The following CLEC16A variants were observed in gnomAD, a reference collection of about 807,000 sequenced individuals.
CLEC16A encodes the protein protein CLEC16A.
A neutral mutation model predicts 109.5 loss-of-function variants in CLEC16A; 51 were observed. The observed-to-expected ratio is 0.47, with a 90% CI of 0.37 to 0.59. The LOEUF (loss-of-function observed/expected upper bound fraction) is 0.59, where lower values mean the gene tolerates loss of function less well. Among genes scored for constraint, CLEC16A ranks in the 20% least tolerant of loss-of-function variants. CLEC16A has a pLI of 0.00. For synonymous variants in CLEC16A, 673 were observed against 564.2 expected (o/e 1.19, Z -2.73); for missense variants, 1,339 against 1,394.0 (o/e 0.96, Z 0.63).
chr16:11,106,008 CA>C (rs1019684553), intron 19 of CLEC16A, among the ~76,000 whole-genome samples: 1 of 152,142 alleles, frequency 6.6e-6, no homozygotes, highest in Non-Finnish European at 1.5e-5. Flanking sequence ...AACTTGGGAA[CA>C]AAATGGATCT....
intron 22 of CLEC16A, among the ~76,000 whole-genome samples, chr16:11,162,812 C>A (rs1056669555): frequency 1.3e-5 from 2 of 152,196 alleles, no homozygotes; most frequent in Non-Finnish European, 2.9e-5. Context: ...GTTCTGCACA[C>A]CAATATGCTG....
chr16:11,022,246 C>T (rs990362748), intron 12 of CLEC16A, among the ~76,000 whole-genome samples: 10 of 151,004 alleles, frequency 6.6e-5, no homozygotes, highest in Admixed American at 4.6e-4. Flanking sequence ...GTCAAGGTAT[C>T]GAGTTGCAGC....
intron 13 of CLEC16A, among the ~76,000 whole-genome samples, chr16:11,034,247 T>C (rs909685486): frequency 6.6e-6 from 1 of 152,244 alleles, no homozygotes; most frequent in Non-Finnish European, 1.5e-5. Context: ...TGGTTAGCTT[T>C]CGAAATCTTT....
intron 1 of CLEC16A, among the ~76,000 whole-genome samples, chr16:10,948,373 T>A (rs966653207): frequency 1.2e-4 from 19 of 152,338 alleles, no homozygotes; most frequent in Admixed American, 7.8e-4. Context: ...ATACCTGTGG[T>A]CTCTGTCTGC....
intron 10 of CLEC16A, among the ~76,000 whole-genome samples, chr16:11,001,109 C>CT (rs2044643569): frequency 6.7e-6 from 1 of 148,514 alleles, no homozygotes; most frequent in Non-Finnish European, 1.5e-5. Flanking sequence ...TTTTTATTTT[C>CT]TTTTTTGAGA....
At chr16:11,098,464 C>T (rs143284176) in intron 19 of CLEC16A, among the ~76,000 whole-genome samples, 3 of 152,354 alleles carry the variant, frequency 2.0e-5, no homozygotes, top group African/African-American at 7.2e-5. Context: ...CTGTCAGCCT[C>T]TTCAGTAAGG....
intron 19 of CLEC16A, among the ~76,000 whole-genome samples, chr16:11,074,510 CTGTTTCCTGTGTAT>C (rs1240603482): frequency 6.6e-6 from 1 of 152,164 alleles, no homozygotes; most frequent in South Asian, 2.1e-4. Context: ...GGTGATGTAG[CTGTTTCCTGTGTAT>C]TGATTATTTG....
chr16:10,957,664 A>G (rs1220664227), intron 1 of CLEC16A, 118 bp from the exon 2 acceptor site: 5 of 1,025,258 alleles, frequency 4.9e-6, no homozygotes, highest in Non-Finnish European at 7.3e-6. Context: ...GGGAAATTGC[A>G]TTACCCAAAC....
At chr16:11,099,205 G>C (rs117427758) in intron 19 of CLEC16A, among the ~76,000 whole-genome samples, 2 of 152,344 alleles carry the variant, frequency 1.3e-5, no homozygotes, top group East Asian at 3.9e-4. Context: ...TGCCAGGACA[G>C]GTCATTCTCA....
chr16:11,137,412 A>T, intron 22 of CLEC16A, among the ~76,000 whole-genome samples: 2 of 152,110 alleles, frequency 1.3e-5, no homozygotes, highest in South Asian at 4.2e-4. Flanking sequence ...CCCCTGGAAC[A>T]AGGTTTGGGA....
chr16:10,976,571 G>A (rs888628374), intron 7 of CLEC16A, among the ~76,000 whole-genome samples: 4 of 152,102 alleles, frequency 2.6e-5, no homozygotes, highest in African/African-American at 4.8e-5. Context: ...TCTATCAGTT[G>A]GGTAATAACA....
At chr16:11,038,087 G>T (rs1018611633) in intron 13 of CLEC16A, among the ~76,000 whole-genome samples, 1 of 152,138 alleles carries the variant, frequency 6.6e-6, no homozygotes, top group Non-Finnish European at 1.5e-5. Context: ...TCTTTAGGCC[G>T]TCCCTCACCC....
intron 18 of CLEC16A, among the ~76,000 whole-genome samples, chr16:11,054,222 G>C (rs142057524): frequency 4.4e-4 from 67 of 152,360 alleles, no homozygotes; most frequent in Non-Finnish European, 9.3e-4. Flanking sequence ...AGATGGTCCT[G>C]ATCCACAGGC....
At chr16:11,065,298 G>A (rs533056841) in intron 19 of CLEC16A, among the ~76,000 whole-genome samples, 1 of 152,298 alleles carries the variant, frequency 6.6e-6, no homozygotes, top group South Asian at 2.1e-4. Context: ...GAGACACCTG[G>A]CAACCAGGTG....
intron 5 of CLEC16A, among the ~76,000 whole-genome samples, chr16:10,972,324 A>G (rs116702324): frequency 1.0e-3 from 153 of 152,304 alleles, no homozygotes; most frequent in African/African-American, 3.5e-3. Context: ...CAACTAGCCA[A>G]CGTGGCAGGC....
At chr16:11,042,834 G>T (rs752420403) in intron 15 of CLEC16A, among the ~76,000 whole-genome samples, 80 of 151,016 alleles carry the variant, frequency 5.3e-4, no homozygotes, top group Non-Finnish European at 8.8e-4. Flanking sequence ...TTGACATTTT[G>T]TCTGTGTCTG....
At chr16:11,135,448 G>A (rs573656323) in intron 22 of CLEC16A, among the ~76,000 whole-genome samples, 7 of 152,316 alleles carry the variant, frequency 4.6e-5, no homozygotes, top group Admixed American at 6.5e-5. Context: ...GCCCTCTCTC[G>A]CTAAATATGG....
intron 9 of CLEC16A, among the ~76,000 whole-genome samples, chr16:10,980,813 G>A (rs1271561627): frequency 6.6e-6 from 1 of 152,098 alleles, no homozygotes; most frequent in Non-Finnish European, 1.5e-5. Context: ...TGACCTAAAT[G>A]TGTGAAAAAC....
intron 10 of CLEC16A, among the ~76,000 whole-genome samples, chr16:10,991,452 A>G (rs943834229): frequency 5.3e-5 from 8 of 149,830 alleles, no homozygotes; most frequent in Non-Finnish European, 8.9e-5. Context: ...AAAAAAGAAC[A>G]GCCAGTGCAA....
Sources: gnomAD v4.1 joint callset for allele counts (sites outside exome capture counted in the v4.1 genomes callset) on GRCh38, gnomAD v4.1.1 for gene constraint, MANE v1.5 for transcripts, NCBI Gene and HGNC (gene_info 2026-07-23, HGNC 2026-07-21) for gene names.